HDAC8: variants seen among roughly 807,000 people sequenced by gnomAD.
HDAC8 encodes the protein histone deacetylase 8, also known as histone deacetylase-like 1.
A neutral mutation model predicts 32.2 loss-of-function variants in HDAC8; 1 was observed. The ratio of observed to expected loss-of-function variants is 0.03; its 90% CI spans 0.01 to 0.15. HDAC8 has a LOEUF of 0.15. Ranked by LOEUF, HDAC8 falls within the 10% of genes least tolerant of loss-of-function variation. The probability of loss-of-function intolerance (pLI) is 1.00; values close to 1 mark genes in which losing one functional copy is unlikely to be tolerated. For synonymous variants in HDAC8, 108 were observed against 113.9 expected (o/e 0.95, Z 0.33); for missense variants, 117 against 300.0 (o/e 0.39, Z 4.51).
chrX:72,338,705 A>T (rs868922384), intron 10 of HDAC8, among the ~76,000 whole-genome samples: 5 of 71,662 alleles, frequency 7.0e-5, no homozygotes, highest in Admixed American at 4.7e-4. Context: ...ATATATATTT[A>T]TATATATATA....
intron 4 of HDAC8, among the ~76,000 whole-genome samples, chrX:72,506,602 A>G (rs1174980736): frequency 9.0e-5 from 10 of 111,180 alleles, no homozygotes; most frequent in African/African-American, 3.3e-4. Flanking sequence ...TGACCCAAAT[A>G]CCTCCCATTA....
intron 9 of HDAC8, among the ~76,000 whole-genome samples, chrX:72,388,606 A>ACACG (rs1555962633): frequency 9.3e-6 from 1 of 107,508 alleles, no homozygotes; most frequent in East Asian, 2.9e-4. Flanking sequence ...ACACACACAC[A>ACACG]CACACACACA....
chrX:72,447,618 T>A (rs782231344), intron 9 of HDAC8, among the ~76,000 whole-genome samples: 5 of 111,515 alleles, frequency 4.5e-5, no homozygotes, highest in Non-Finnish European at 9.4e-5. Context: ...AAATAAAGGG[T>A]ATTCAAATAG....
chrX:72,371,971 G>A (rs1352103199), intron 9 of HDAC8, among the ~76,000 whole-genome samples: 1 of 110,784 alleles, frequency 9.0e-6, no homozygotes, highest in Non-Finnish European at 1.9e-5. Flanking sequence ...AGGGGTTGGG[G>A]AATGCTGGGT....
rs1237520064 is a variant in HDAC8, at chrX:72,329,586, C to T, written c.*468G>A. The T allele has an allele frequency of 4.0e-6, 4 of 1,007,184 alleles. No homozygotes were observed. Among genetic ancestry groups the T allele is most frequent in the African/African-American group, 1.9e-5 (1 of 51,558 alleles). The allele number at this position is 1,007,184 out of a possible 1,213,427, so 83.0% of individuals were successfully genotyped here. A position where few individuals can be genotyped will look rare whatever the true frequency, so the allele number is the denominator to read the frequency against. On this transcript the variant is annotated 3_prime_UTR_variant, in exon 11 of 11. Coordinates refer to ENST00000373573, the MANE Select transcript of HDAC8 (RefSeq NM_018486.3). ...TAAAACAACACCAGCGGACTTCTCC[C>T]CACCTCCCAGTCTGCTGATCAGTAC...
chrX:72,508,517 T>G (rs1012905512), intron 4 of HDAC8, among the ~76,000 whole-genome samples: 5 of 112,729 alleles, frequency 4.4e-5, no homozygotes, highest in Non-Finnish European at 7.5e-5. Flanking sequence ...ATGGCTTAAA[T>G]GTTTGTCCCC....
chrX:72,471,845 T>A lies in HDAC8; in HGVS notation c.738-7114A>T, dbSNP rs935293163. Among the ~76,000 whole-genome samples the A allele has an allele frequency of 4.5e-5, 5 of 111,503 alleles. No individual in the cohort carries two copies. The Admixed American group carries it at 4.7e-4, about 11-fold the overall frequency. On this transcript the variant is annotated intron_variant, in intron 7 of 10. Transcript: ENST00000373573. Reference sequence around the variant, plus strand: ...GTCCTTTGCAGCACAAAGTTTTAAATTTTGACGAAATTCAATTTATCTATT... The same window carrying A: ...GTCCTTTGCAGCACAAAGTTTTAAAATTTGACGAAATTCAATTTATCTATT...
chrX:72,502,310 A>T (rs1556016544), intron 4 of HDAC8, among the ~76,000 whole-genome samples: 2 of 111,863 alleles, frequency 1.8e-5, no homozygotes, highest in Non-Finnish European at 3.8e-5. Context: ...TACTATAAAG[A>T]CACATGCACG....
chrX:72,474,492 T>G, intron 7 of HDAC8: 2 of 1,067,392 alleles, frequency 1.9e-6, no homozygotes, highest in African/African-American at 3.8e-5. Flanking sequence ...ATTTTTCGTT[T>G]TGTGAAAGTA....
At position 72,495,335 on chromosome X, in the gene HDAC8, G is replaced by C; in HGVS notation, c.438-67C>G. 9.0e-6 allele frequency: 6 copies of C among 669,565 alleles called. No individual in the cohort carries two copies. In the South Asian group the frequency reaches 1.2e-4, roughly 13 times the overall value. The allele number at this position is 669,565 out of a possible 1,213,427, so 55.2% of individuals were successfully genotyped here. On this transcript the variant is annotated intron_variant, in intron 4 of 10. Coordinates refer to ENST00000373573, the MANE Select transcript of HDAC8 (RefSeq NM_018486.3). ...ATCCAAGGGAGTCTTTACAGCCAAG[G>C]ATCTAACCCTTGAGATCTAGTCCCC...
chrX:72,348,154 T>G (rs1384806607), intron 10 of HDAC8, among the ~76,000 whole-genome samples: 1 of 112,217 alleles, frequency 8.9e-6, no homozygotes, highest in Non-Finnish European at 1.9e-5. Flanking sequence ...GCTTAAAGGC[T>G]GAACAAATTC....
chrX:72,537,659 A>C (rs1373678579), intron 4 of HDAC8, among the ~76,000 whole-genome samples: 2 of 112,027 alleles, frequency 1.8e-5, no homozygotes, highest in Admixed American at 1.9e-4. Flanking sequence ...CTCTTAAAGA[A>C]AATTTGTTAG....
At chrX:72,341,478 A>G (rs942650428) in intron 10 of HDAC8, among the ~76,000 whole-genome samples, 4 of 112,127 alleles carry the variant, frequency 3.6e-5, no homozygotes, top group Non-Finnish European at 7.5e-5. Context: ...AATGTCATCT[A>G]TGTAAACCAA....
At chrX:72,427,872 T>A (rs2147942652) in intron 9 of HDAC8, among the ~76,000 whole-genome samples, 1 of 112,202 alleles carries the variant, frequency 8.9e-6, no homozygotes, top group South Asian at 3.7e-4. Context: ...ATTTAAGTAA[T>A]AAGACATGTT....
chrX:72,379,011 C>A (rs2045181525), intron 9 of HDAC8, among the ~76,000 whole-genome samples: 1 of 110,369 alleles, frequency 9.1e-6, no homozygotes, highest in South Asian at 3.9e-4. Context: ...GCACCCACCA[C>A]CACGCCTGGC....
At chrX:72,443,737 G>A (rs1311291913) in intron 9 of HDAC8, among the ~76,000 whole-genome samples, 10 of 108,060 alleles carry the variant, frequency 9.3e-5, no homozygotes, top group Non-Finnish European at 1.7e-4. Context: ...AAAAATTAAT[G>A]AATCCAGGAG....
At chrX:72,470,431 C>T (rs2048140443) in intron 7 of HDAC8, among the ~76,000 whole-genome samples, 1 of 111,272 alleles carries the variant, frequency 9.0e-6, no homozygotes, top group Non-Finnish European at 1.9e-5. Flanking sequence ...ACCTTTCCAG[C>T]TTAATTTATC....
chrX:72,551,079 G>GCACACACA (rs56118046), intron 4 of HDAC8, among the ~76,000 whole-genome samples: 164 of 96,429 alleles, frequency 1.7e-3, no homozygotes, highest in African/African-American at 5.5e-3. Context: ...TGAAGTCAGC[G>GCACACACA]CACACACACA....
In HDAC8 at chrX:72,572,829, A is replaced by G. The variant is rs988948987; in HGVS notation, c.-68T>C. ...TTTTTTCGGACTCGGCCAGGGTTCCAGTTCCTGCTCCTCTGATCGGCCGCA... is the reference window on the plus strand; with the variant it reads ...TTTTTTCGGACTCGGCCAGGGTTCCGGTTCCTGCTCCTCTGATCGGCCGCA... On this transcript the variant is annotated 5_prime_UTR_variant, in exon 1 of 11. Coordinates refer to ENST00000373573, the MANE Select transcript of HDAC8 (RefSeq NM_018486.3). 1.7e-5 allele frequency: 15 copies of G among 903,955 alleles called. No homozygotes were observed. Among genetic ancestry groups the G allele is most frequent in the Non-Finnish European group, 2.3e-5 (14 of 620,418 alleles). 74.5% of individuals were successfully genotyped at this position (903,955 alleles called of 1,213,427 possible). A position where few individuals can be genotyped will look rare whatever the true frequency, so the allele number is the denominator to read the frequency against.
Sources: allele counts gnomAD v4.1 joint callset (sites outside exome capture counted in the v4.1 genomes callset), GRCh38; gene constraint gnomAD v4.1.1; transcripts MANE v1.5; gene names NCBI Gene and HGNC (gene_info 2026-07-23, HGNC 2026-07-21).